Variants in NDUFAF6 observed in about 807,000 individuals in gnomAD.
NDUFAF6 encodes NADH dehydrogenase (ubiquinone) complex I, assembly factor 6.
NDUFAF6 carries 45 observed loss-of-function variants against 40.8 expected under a neutral mutation model. That is an observed-to-expected ratio of 1.10 (90% CI 0.87 to 1.42). The LOEUF is 1.42. Among genes scored for constraint, NDUFAF6 ranks in the 40% most tolerant of loss-of-function variants. NDUFAF6 has a pLI of 0.00. For missense variants in NDUFAF6, 435 were observed against 418.5 expected, an observed-to-expected ratio of 1.04 and a Z score of -0.34; for synonymous variants, 185 against 155.9, an observed-to-expected ratio of 1.19 and a Z score of -1.39.
intron 1 of NDUFAF6, among the ~76,000 whole-genome samples, chr8:94,904,183 G>A (rs1453408107): frequency 3.3e-5 from 5 of 150,744 alleles, no homozygotes; most frequent in Admixed American, 2.0e-4. Context: ...TCACTTTGTC[G>A]CCCAGGCTGG....
At chr8:95,006,937 A>G (rs571914486) in intron 2 of NDUFAF6, among the ~76,000 whole-genome samples, 2 of 152,082 alleles carry the variant, frequency 1.3e-5, no homozygotes, top group South Asian at 4.2e-4. Context: ...ATGCATTAAC[A>G]TGTTGGGAGA....
intron 8 of NDUFAF6, 32 bp downstream of exon 8, chr8:95,052,262 T>A (rs1831523142): frequency 6.3e-7 from 1 of 1,596,870 alleles, no homozygotes; most frequent in Non-Finnish European, 8.6e-7. Context: ...GCTGTATAAT[T>A]AGTGAAGCAG....
chr8:94,985,498 TATATATATATATATA>T (rs1825787317), intron 2 of NDUFAF6, among the ~76,000 whole-genome samples: 1 of 8,852 alleles, frequency 1.1e-4, no homozygotes, highest in Non-Finnish European at 2.6e-4. Flanking sequence ...TATATATATA[TATATATATATATATA>T]TATTTTTTTT....
chr8:95,074,622 C>G (rs1325606309), intron 9 of NDUFAF6, among the ~76,000 whole-genome samples: 2 of 152,192 alleles, frequency 1.3e-5, no homozygotes, highest in Non-Finnish European at 2.9e-5. Flanking sequence ...CTGTCACAGA[C>G]TAGAAGCCAT....
chr8:95,007,659 G>GTTTT (rs553474402), intron 2 of NDUFAF6, among the ~76,000 whole-genome samples: 3 of 103,780 alleles, frequency 2.9e-5, no homozygotes, highest in Admixed American at 1.1e-4. Flanking sequence ...GTGAGGCTCT[G>GTTTT]TTTTTTTTTT....
upstream of NDUFAF6, among the ~76,000 whole-genome samples, chr8:94,956,776 T>C (rs1009386823): frequency 6.6e-6 from 1 of 152,044 alleles, no homozygotes; most frequent in African/African-American, 2.4e-5. Flanking sequence ...ATTTTGAAGA[T>C]AGAGACAATA....
chr8:94,925,766 C>G (rs1819834013), intron 1 of NDUFAF6, among the ~76,000 whole-genome samples: 1 of 152,206 alleles, frequency 6.6e-6, no homozygotes. Context: ...TCTCGAACTT[C>G]TGGCCTCAAG....
intron 1 of NDUFAF6, among the ~76,000 whole-genome samples, chr8:94,906,267 C>A (rs1818385809): frequency 1.3e-5 from 2 of 152,172 alleles, no homozygotes; most frequent in South Asian, 4.1e-4. Context: ...TCCAGCTGAA[C>A]TAATCTATTC....
upstream of NDUFAF6, chr8:95,100,315 A>G (rs959944249): frequency 6.6e-6 from 1 of 152,198 alleles, no homozygotes; most frequent in African/African-American, 2.4e-5. Flanking sequence ...GACAAAGTGA[A>G]CAATTTAACT....
At chr8:95,047,667 G>C (rs1011976073) in intron 6 of NDUFAF6, among the ~76,000 whole-genome samples, 4 of 151,212 alleles carry the variant, frequency 2.6e-5, no homozygotes, top group African/African-American at 9.7e-5. Context: ...CCGCCACCAC[G>C]CCCAGCTAAT....
At chr8:95,091,631 A>C (rs1809255556) in intron 2 of NDUFAF6, among the ~76,000 whole-genome samples, 1 of 151,270 alleles carries the variant, frequency 6.6e-6, no homozygotes, top group African/African-American at 2.4e-5. Context: ...AAAATAACTC[A>C]ATTGTTCATC....
At position 95,030,214 on chromosome 8, in the gene NDUFAF6, A is replaced by ATTATTTATTTATTTAT. The variant is rs763490509; in HGVS notation, c.198-1766_198-1751dup. Among the ~76,000 whole-genome samples, 336 of 150,702 alleles carry ATTATTTATTTATTTAT rather than the reference A, an allele frequency of 2.2e-3. 4 individuals are homozygous for ATTATTTATTTATTTAT. Among genetic ancestry groups the ATTATTTATTTATTTAT allele is most frequent in the African/African-American group, 7.9e-3 (323 of 40,852 alleles). The stretch of plus-strand genomic sequence containing the variant: ...TAGAGTCCTGTTTCAAATTGTTACT[A>ATTATTTATTTATTTAT]TTATTTATTTATTTATTTATTTATT... On this transcript the variant is annotated intron_variant, in intron 1 of 8. Coordinates refer to ENST00000396124, the MANE Select transcript of NDUFAF6 (RefSeq NM_152416.4).
chr8:94,900,639 A>G (rs1454362218), intron 1 of NDUFAF6, among the ~76,000 whole-genome samples: 1 of 152,146 alleles, frequency 6.6e-6, no homozygotes, highest in Non-Finnish European at 1.5e-5. Context: ...AGTAGGCGGG[A>G]GGGCACAGAG....
intron 1 of NDUFAF6, among the ~76,000 whole-genome samples, chr8:94,918,656 G>A (rs1326521569): frequency 2.6e-5 from 4 of 152,182 alleles, no homozygotes; most frequent in Non-Finnish European, 1.5e-5. Flanking sequence ...AAGCCAGAGT[G>A]TTCTGTTTGT....
At chr8:94,991,807 C>CT (rs55871829) in intron 2 of NDUFAF6, among the ~76,000 whole-genome samples, 26 of 69,760 alleles carry the variant, frequency 3.7e-4, no homozygotes, top group African/African-American at 9.8e-4. Flanking sequence ...CCCCCCCCCC[C>CT]TTTTTTTTTT....
At chr8:94,984,186 C>T (rs1407823895) in intron 2 of NDUFAF6, 5 of 152,140 alleles carry the variant, frequency 3.3e-5, no homozygotes, top group African/African-American at 1.2e-4. Flanking sequence ...AAAAGTAGAG[C>T]AATGTGCTGA....
intron 2 of NDUFAF6, among the ~76,000 whole-genome samples, chr8:95,018,578 C>A (rs1291760573): frequency 2.0e-5 from 3 of 150,540 alleles, no homozygotes; most frequent in East Asian, 2.0e-4. Context: ...GACAAGAAAA[C>A]ATCTGAGAAG....
intron 2 of NDUFAF6, among the ~76,000 whole-genome samples, chr8:95,082,962 G>A (rs931364103): frequency 1.3e-5 from 2 of 151,908 alleles, no homozygotes; most frequent in East Asian, 3.9e-4. Flanking sequence ...TTGTTTTTTT[G>A]TAGAGACAGA....
intron 1 of NDUFAF6, among the ~76,000 whole-genome samples, chr8:95,027,449 A>G (rs1470219316): frequency 6.6e-6 from 1 of 151,862 alleles, no homozygotes. Flanking sequence ...GCATGGTGGT[A>G]AGCACCTGTA....
Sources: allele counts gnomAD v4.1 joint callset (sites outside exome capture counted in the v4.1 genomes callset), GRCh38; gene constraint gnomAD v4.1.1; transcripts MANE v1.5; gene names NCBI Gene and HGNC (gene_info 2026-07-23, HGNC 2026-07-21).